GSTM5: variants seen among roughly 807,000 people sequenced by gnomAD.
GSTM5 encodes GST class-mu 5.
A neutral mutation model predicts 29.0 loss-of-function variants in GSTM5; 24 were observed. The ratio of observed to expected loss-of-function variants is 0.83; its 90% confidence interval spans 0.60 to 1.16. The LOEUF (loss-of-function observed/expected upper bound fraction) is 1.16, where lower values mean the gene tolerates loss of function less well. Among genes scored for constraint, GSTM5 ranks in the 50% most tolerant of loss-of-function variants. GSTM5 has a pLI of 0.00. For synonymous variants in GSTM5, 91 were observed against 93.6 expected (o/e 0.97, Z 0.16); for missense variants, 290 against 263.0 (o/e 1.10, Z -0.71).
At chr1:109,714,821 C>T (rs533665979) in intron 5 of GSTM5, 126 bp from the exon 6 acceptor site, 20 of 862,422 alleles carry the variant, frequency 2.3e-5, no homozygotes, top group East Asian at 1.2e-4. Context: ...GGCACTGCCC[C>T]GGTTTTAGTT....
At position 109,717,517 on chromosome 1, in the gene GSTM5, C is replaced by T; in HGVS notation, c.*91C>T. On this transcript the variant is annotated 3_prime_UTR_variant, in exon 8 of 8. Transcript: ENST00000256593. ...CCTGACTCCCTGGACCTGCCTTCTTCCTTTTTCCTTCTTTCTACTCTCTTC... is the reference window on the plus strand; with the variant it reads ...CCTGACTCCCTGGACCTGCCTTCTTTCTTTTTCCTTCTTTCTACTCTCTTC... The T allele has an allele frequency of 1.1e-6, 1 of 877,096 alleles. No homozygotes were observed. The highest frequency in any genetic ancestry group is 1.9e-6 in the Non-Finnish European group (1 of 515,788). The allele number at this position is 877,096 out of a possible 1,614,324, so 54.3% of individuals were successfully genotyped here.
rs1382079706 is a variant in GSTM5, at chr1:109,712,662, C to T, written c.81C>T (p.Ser27=). The T allele has an allele frequency of 1.9e-6, 3 of 1,614,082 alleles. No homozygotes were observed. The African/African-American group carries it at 4.0e-5, about 22-fold the overall frequency. Residue 27 remains serine, a synonymous_variant, in exon 2 of 8, where the codon AGC becomes AGT. Coordinates refer to ENST00000256593, the MANE Select transcript of GSTM5 (RefSeq NM_000851.4). ...TGCTCCTGGAATACACAGACTCAAGCTATGTGGAAAAGAAGTACACGCTGG... is the reference window on the plus strand; with the variant it reads ...TGCTCCTGGAATACACAGACTCAAGTTATGTGGAAAAGAAGTACACGCTGG... ...IRLLLEYTDS[S]YVEKKYTLGD... is the part of the protein sequence containing the mutation.
chr1:109,711,859 G>A (rs1170454635), upstream of GSTM5, among the ~76,000 whole-genome samples: 10 of 143,138 alleles, frequency 7.0e-5, no homozygotes, highest in African/African-American at 2.4e-4. Flanking sequence ...TCTGACCCCT[G>A]CAGCCGGAGT....
In GSTM5 at chr1:109,717,946, GGT is replaced by G. The variant is rs139797477; in HGVS notation, c.*537_*538del. 2.7e-4 allele frequency: 42 copies of G among 152,966 alleles called. No homozygotes were observed. The highest frequency in any genetic ancestry group is 4.9e-4 in the Non-Finnish European group (34 of 68,972). 9.5% of individuals were successfully genotyped at this position (152,966 alleles called of 1,614,324 possible). On this transcript the variant is annotated 3_prime_UTR_variant, in exon 8 of 8. Transcript: ENST00000256593. Reference sequence around the variant, plus strand: ...GTCCACAGCCAGAGCTTAGTGGATGGGTGTGTGTGTGTGTGTGTTGGGGGTGG... The same window carrying G: ...GTCCACAGCCAGAGCTTAGTGGATGGGTGTGTGTGTGTGTGTTGGGGGTGG...
intron 5 of GSTM5, 130 bp downstream of exon 5, chr1:109,713,891 CAAAATGT>C: frequency 2.2e-6 from 1 of 464,448 alleles, no homozygotes; most frequent in East Asian, 6.1e-5. Flanking sequence ...CCTGGTTCTC[CAAAATGT>C]CCACACGAAT....
Position 109,712,336 on chromosome 1 carries a change from G to T in GSTM5, c.24G>T (p.Trp8Cys). The stretch of plus-strand genomic sequence containing the variant: ...CCATGCCCATGACTCTGGGGTACTG[G>T]GACATCCGTGGGGTAAGCGAGGGTC... MPMTLGY[W>C]DIRGLAHAIR... Residue 8 changes from tryptophan to cysteine, a missense_variant, in exon 1 of 8, where the codon TGG becomes TGT. Transcript: ENST00000256593. 1 of 1,614,158 alleles carries T rather than the reference G, an allele frequency of 6.2e-7. No homozygotes were observed. Among genetic ancestry groups the T allele is most frequent in the Non-Finnish European group, 8.5e-7 (1 of 1,180,002 alleles).
At chr1:109,717,093 AAGCACCC>A (rs1648770485) in intron 7 of GSTM5, 1 of 338,938 alleles carries the variant, frequency 3.0e-6, no homozygotes, top group Admixed American at 4.3e-5. Flanking sequence ...GTTGGATATA[AAGCACCC>A]AGCACAGTGT....
Position 109,717,510 on chromosome 1 carries a change from C to A in GSTM5, c.*84C>A, listed in dbSNP as rs553978862. On this transcript the variant is annotated 3_prime_UTR_variant, in exon 8 of 8. Coordinates refer to ENST00000256593, the MANE Select transcript of GSTM5 (RefSeq NM_000851.4). ...AGGACAGCCTGACTCCCTGGACCTG[C>A]CTTCTTCCTTTTTCCTTCTTTCTAC... The A allele has an allele frequency of 1.1e-5, 10 of 931,256 alleles. No homozygotes were observed. Among genetic ancestry groups the A allele is most frequent in the East Asian group, 7.2e-5 (3 of 41,466 alleles). The allele number at this position is 931,256 out of a possible 1,614,324, so 57.7% of individuals were successfully genotyped here.
chr1:109,713,129 T>A lies in GSTM5; in HGVS notation c.123T>A (p.Tyr41Ter), dbSNP rs1442148170. Residue 41 changes from tyrosine to a stop codon, truncating the protein, a stop_gained, in exon 3 of 8, where the codon TAT (tyrosine) becomes TAA (stop). Coordinates refer to ENST00000256593, the MANE Select transcript of GSTM5 (RefSeq NM_000851.4). LOFTEE classifies it high-confidence loss of function. The stretch of plus-strand genomic sequence containing the variant: ...TCTTCCCCACCACAGCTCCTGACTA[T>A]GACAGAAGCCAGTGGCTGAATGAAA... ...KKYTLGDAPD[Y>*]DRSQWLNEKF... is the part of the protein sequence containing the mutation. The A allele has an allele frequency of 4.3e-6, 7 of 1,612,472 alleles. No homozygotes were observed. Among genetic ancestry groups the A allele is most frequent in the Non-Finnish European group, 5.9e-6 (7 of 1,179,876 alleles).
rs546249249 is a variant in GSTM5, at chr1:109,712,765, C to G, written c.112+72C>G. 5.4e-4 allele frequency: 826 copies of G among 1,528,668 alleles called. 1 individual carries two copies. Among genetic ancestry groups the G allele is most frequent in the Non-Finnish European group, 7.3e-4 (804 of 1,102,220 alleles). The allele number at this position is 1,528,668 out of a possible 1,614,324, so 94.7% of individuals were successfully genotyped here. A position where few individuals can be genotyped will look rare whatever the true frequency, so the allele number is the denominator to read the frequency against. On this transcript the variant is annotated intron_variant, in intron 2 of 7. Coordinates refer to ENST00000256593, the MANE Select transcript of GSTM5 (RefSeq NM_000851.4). ...GCACCAAGCAACCCATGGTGGCCAC[C>G]TGTGGCTGCCTCTGCAGGCCTCCCC...
Position 109,715,228 on chromosome 1 carries a change from C to G in GSTM5, c.555C>G (p.Ile185Met). ...LDAFLNLKDF[I>M]SRFEGLKKIS... The stretch of plus-strand genomic sequence containing the variant: ...CCTTCCTAAACTTGAAGGACTTCAT[C>G]TCCCGCTTTGAGGTGATGCCCCCAT... Residue 185 changes from isoleucine (I) to methionine (M), a missense_variant, in exon 7 of 8, where the codon ATC becomes ATG. Ile to Met is a conservative substitution (Grantham distance 10, BLOSUM62 1). Transcript: ENST00000256593. 6.2e-7 allele frequency: 1 copy of G among 1,614,240 alleles called. No homozygotes were observed. Among genetic ancestry groups the G allele is most frequent in the Non-Finnish European group, 8.5e-7 (1 of 1,180,044 alleles).
intron 5 of GSTM5, 181 bp from the exon 6 acceptor site, chr1:109,714,766 C>G: frequency 1.5e-6 from 1 of 648,318 alleles, no homozygotes; most frequent in Non-Finnish European, 2.8e-6. Flanking sequence ...GGGTCTGGCA[C>G]CCAGTCAGAG....
upstream of GSTM5, chr1:109,712,125 G>T (rs1648536943): frequency 1.5e-6 from 1 of 659,104 alleles, no homozygotes; most frequent in African/African-American, 1.8e-5. Flanking sequence ...GGACTGGGAG[G>T]CGGGAGGGGG....
At chr1:109,712,865 G>A in intron 2 of GSTM5, 172 bp downstream of exon 2, 1 of 898,346 alleles carries the variant, frequency 1.1e-6, no homozygotes, top group Non-Finnish European at 1.8e-6. Flanking sequence ...AGAATGCTGG[G>A]GCGGGATGCT....
intron 6 of GSTM5, 33 bp from the exon 7 acceptor site, chr1:109,715,097 G>A (rs1648697258): frequency 6.2e-7 from 1 of 1,614,032 alleles, no homozygotes; most frequent in African/African-American, 1.3e-5. Flanking sequence ...GTGTTTCGGG[G>A]TTTTCAGCCC....
At chr1:109,715,512 G>A in intron 7 of GSTM5, 1 of 1,464,656 alleles carries the variant, frequency 6.8e-7, no homozygotes, top group Middle Eastern at 1.8e-4. Flanking sequence ...AGAGCCAGTG[G>A]AGGCTGTGCT....
chr1:109,717,509 GC>G lies in GSTM5; in HGVS notation c.*85del. On this transcript the variant is annotated 3_prime_UTR_variant, in exon 8 of 8. Transcript: ENST00000256593. The stretch of plus-strand genomic sequence containing the variant: ...GAGGACAGCCTGACTCCCTGGACCT[GC>G]CTTCTTCCTTTTTCCTTCTTTCTAC... 1 of 938,382 alleles carries G rather than the reference GC, an allele frequency of 1.1e-6. No individual in the cohort carries two copies. The highest frequency in any genetic ancestry group is 1.3e-5 in the South Asian group (1 of 76,378). 58.1% of individuals were successfully genotyped at this position (938,382 alleles called of 1,614,324 possible).
At position 109,712,602 on chromosome 1, in the gene GSTM5, G is replaced by C. The variant is rs768656814; in HGVS notation, c.37-16G>C. ...ACCCTCCATCTCTGACCCGAGCCGC[G>C]GGCCATCTCTCCCAGCTGGCCCACG... On this transcript the variant is annotated splice_polypyrimidine_tract_variant and intron_variant, in intron 1 of 7. Transcript: ENST00000256593. 1.7e-5 allele frequency: 27 copies of C among 1,613,668 alleles called. No individual in the cohort carries two copies. Among genetic ancestry groups the C allele is most frequent in the Non-Finnish European group, 2.3e-5 (27 of 1,179,808 alleles).
rs150528860 is a variant in GSTM5, at chr1:109,717,454, G to C, written c.*28G>C. 1.1e-5 allele frequency: 17 copies of C among 1,550,374 alleles called. No individual in the cohort carries two copies. The East Asian group carries it at 3.1e-4, about 29-fold the overall frequency. ...CCCAGTGATGCCAGAAGATGGGAGGGAGGAGCCAACCTTGCTGCCTGCGAC... is the reference window on the plus strand; with the variant it reads ...CCCAGTGATGCCAGAAGATGGGAGGCAGGAGCCAACCTTGCTGCCTGCGAC... On this transcript the variant is annotated 3_prime_UTR_variant, in exon 8 of 8. Coordinates refer to ENST00000256593, the MANE Select transcript of GSTM5 (RefSeq NM_000851.4).
Sources: allele counts gnomAD v4.1 joint callset (sites outside exome capture counted in the v4.1 genomes callset), GRCh38; gene constraint gnomAD v4.1.1; transcripts MANE v1.5; gene names NCBI Gene and HGNC (gene_info 2026-07-23, HGNC 2026-07-21).